Variants in ARID5B observed in about 807,000 individuals in gnomAD.
The protein encoded by ARID5B is AT-rich interactive domain-containing protein 5B.
In ARID5B, 13 loss-of-function variants were observed where a neutral mutation model predicts 97.2. That is an observed-to-expected ratio of 0.13 (90% CI 0.09 to 0.21). The LOEUF is 0.21. ARID5B is among the 10% of genes least tolerant of loss of function. The pLI, the probability that ARID5B is intolerant of heterozygous loss-of-function variation, is 1.00. For missense variants in ARID5B, 1,210 were observed against 1,465.3 expected (o/e 0.83, Z 2.84); for synonymous variants, 556 against 570.3 (o/e 0.97, Z 0.36).
intron 3 of ARID5B, among the ~76,000 whole-genome samples, chr10:61,977,543 T>C (rs1589243046): frequency 1.3e-5 from 2 of 152,180 alleles, no homozygotes; most frequent in Non-Finnish European, 2.9e-5. Flanking sequence ...TTTTAATGAT[T>C]GCCATTCTAA....
At chr10:61,908,589 C>G (rs755290737) in intron 2 of ARID5B, among the ~76,000 whole-genome samples, 1 of 151,892 alleles carries the variant, frequency 6.6e-6, no homozygotes, top group Admixed American at 6.6e-5. Flanking sequence ...AGGCAGATCA[C>G]GAGATTGAGA....
chr10:61,990,183 C>T (rs929904443), intron 3 of ARID5B, among the ~76,000 whole-genome samples: 1 of 152,162 alleles, frequency 6.6e-6, no homozygotes, highest in African/African-American at 2.4e-5. Flanking sequence ...GCCCCAGAAG[C>T]CCTGCGGTAA....
chr10:61,911,708 T>A (rs1273432179), intron 2 of ARID5B, among the ~76,000 whole-genome samples: 1 of 152,172 alleles, frequency 6.6e-6, no homozygotes, highest in African/African-American at 2.4e-5. Context: ...AGGCCATACA[T>A]TGTGCCTTAT....
At chr10:61,909,546 C>T (rs967214961) in intron 2 of ARID5B, among the ~76,000 whole-genome samples, 1 of 151,876 alleles carries the variant, frequency 6.6e-6, no homozygotes, top group African/African-American at 2.4e-5. Context: ...AGGATGGTCC[C>T]GATCTCCTGA....
At chr10:61,905,795 G>T (rs1843697819) in intron 2 of ARID5B, among the ~76,000 whole-genome samples, 1 of 152,150 alleles carries the variant, frequency 6.6e-6, no homozygotes, top group South Asian at 2.1e-4. Context: ...ATCCTGTAAA[G>T]TTAAGCTAAT....
intron 3 of ARID5B, among the ~76,000 whole-genome samples, chr10:61,988,344 A>G (rs1482457198): frequency 6.6e-6 from 1 of 152,258 alleles, no homozygotes; most frequent in East Asian, 1.9e-4. Flanking sequence ...TTTTGTGGAC[A>G]TGGCACCAAG....
intron 4 of ARID5B, among the ~76,000 whole-genome samples, chr10:62,016,209 C>T (rs916002998): frequency 7.2e-5 from 11 of 152,216 alleles, no homozygotes; most frequent in Non-Finnish European, 1.5e-4. Context: ...CACACTCATA[C>T]GCTTACATCT....
chr10:62,086,109 T>C (rs970660208), intron 9 of ARID5B, among the ~76,000 whole-genome samples: 4 of 152,108 alleles, frequency 2.6e-5, no homozygotes, highest in Non-Finnish European at 1.5e-5. Flanking sequence ...ATGCCTAGTA[T>C]TGAATGAGAT....
intron 2 of ARID5B, among the ~76,000 whole-genome samples, chr10:61,936,092 C>G (rs1343242963): frequency 1.3e-5 from 2 of 152,214 alleles, no homozygotes; most frequent in Non-Finnish European, 2.9e-5. Flanking sequence ...TCTGAACCCA[C>G]TTTGAAAACC....
chr10:61,933,597 A>T (rs1844250136), intron 2 of ARID5B, among the ~76,000 whole-genome samples: 1 of 152,246 alleles, frequency 6.6e-6, no homozygotes, highest in Non-Finnish European at 1.5e-5. Context: ...TAAAAACAAC[A>T]TTCATCTCTT....
intron 8 of ARID5B, among the ~76,000 whole-genome samples, chr10:62,081,267 C>A (rs1840210141): frequency 6.6e-6 from 1 of 152,232 alleles, no homozygotes; most frequent in African/African-American, 2.4e-5. Flanking sequence ...GATTCAAATA[C>A]AACCCTAAAA....
At chr10:61,902,673 ATGTGTGTGTGTG>A (rs59459790) in intron 2 of ARID5B, among the ~76,000 whole-genome samples, 12 of 148,442 alleles carry the variant, frequency 8.1e-5, no homozygotes, top group East Asian at 2.0e-4. Flanking sequence ...TTGTTCAAGG[ATGTGTGTGTGTG>A]TGTGTGTGTG....
intron 5 of ARID5B, among the ~76,000 whole-genome samples, chr10:62,054,817 TG>T (rs1839833967): frequency 1.3e-5 from 2 of 152,176 alleles, no homozygotes; most frequent in Non-Finnish European, 2.9e-5. Flanking sequence ...GTTATAAAAT[TG>T]GGGTTTGGAG....
chr10:62,048,106 G>A (rs1839735370), intron 4 of ARID5B, among the ~76,000 whole-genome samples: 1 of 152,202 alleles, frequency 6.6e-6, no homozygotes, highest in Non-Finnish European at 1.5e-5. Context: ...AGTAGTAAAG[G>A]TGAATGCAGT....
At chr10:62,029,200 C>T (rs1181460271) in intron 4 of ARID5B, among the ~76,000 whole-genome samples, 1 of 152,140 alleles carries the variant, frequency 6.6e-6, no homozygotes, top group Non-Finnish European at 1.5e-5. Context: ...TGTTCCGCCT[C>T]CTGTCCTGCA....
In ARID5B at chr10:61,926,632, C is replaced by CA. The variant is rs1844110217; in HGVS notation, c.277-13550dup. 2.6e-5 allele frequency among the ~76,000 whole-genome samples: 4 copies of CA among 151,994 alleles called. No homozygotes were observed. The South Asian group carries it at 8.3e-4, about 32-fold the overall frequency. ...TATTTATTTATTTATTTTTTTGAGACAGAGTCTCGCTCTGTCACCAGGCTG... is the reference window on the plus strand; with the variant it reads ...TATTTATTTATTTATTTTTTTGAGACAAGAGTCTCGCTCTGTCACCAGGCTG... On this transcript the variant is annotated intron_variant, in intron 2 of 9. Transcript: ENST00000279873.
chr10:61,983,606 G>GA (rs942768382), intron 3 of ARID5B, among the ~76,000 whole-genome samples: 31 of 150,486 alleles, frequency 2.1e-4, no homozygotes, highest in East Asian at 1.6e-3. Flanking sequence ...CCCACCTGAG[G>GA]AAAAAAAAAT....
At position 61,967,675 on chromosome 10, in the gene ARID5B, A is replaced by G. The variant is rs1168709721; in HGVS notation, c.502+27267A>G. Among the ~76,000 whole-genome samples the G allele has an allele frequency of 6.6e-5, 10 of 152,244 alleles. No individual in the cohort carries two copies. The East Asian group carries it at 1.4e-3, about 21-fold the overall frequency. On this transcript the variant is annotated intron_variant, in intron 3 of 9. Transcript: ENST00000279873. ...TGTAGACAAACTGCCCAAACATTCAATTTTTCCCTTTCCAAGCAGATGTTT... is the reference window on the plus strand; with the variant it reads ...TGTAGACAAACTGCCCAAACATTCAGTTTTTCCCTTTCCAAGCAGATGTTT...
At chr10:61,925,749 C>A (rs988386933) in intron 2 of ARID5B, among the ~76,000 whole-genome samples, 1 of 152,172 alleles carries the variant, frequency 6.6e-6, no homozygotes, top group African/African-American at 2.4e-5. Flanking sequence ...CAGGCTGCAG[C>A]CGACCAGGTT....
Sources: gnomAD v4.1 joint callset for allele counts (sites outside exome capture counted in the v4.1 genomes callset) on GRCh38, gnomAD v4.1.1 for gene constraint, MANE v1.5 for transcripts, NCBI Gene and HGNC (gene_info 2026-07-23, HGNC 2026-07-21) for gene names.